Variants in PALM2AKAP2 observed in about 807,000 individuals in gnomAD.
PALM2AKAP2 encodes PALM2-AKAP2 fusion protein.
PALM2AKAP2 carries 37 observed loss-of-function variants against 71.5 expected under a neutral mutation model. That is an observed-to-expected ratio of 0.52 (90% CI 0.40 to 0.68). The LOEUF (loss-of-function observed/expected upper bound fraction) is 0.68. PALM2AKAP2 is among the 30% of genes least tolerant of loss of function. PALM2AKAP2 has a pLI of 0.00. For missense variants in PALM2AKAP2, 1,224 were observed against 1,191.8 expected (o/e 1.03, Z -0.40); for synonymous variants, 468 against 478.8 (o/e 0.98, Z 0.29).
intron 7 of PALM2AKAP2, among the ~76,000 whole-genome samples, chr9:110,036,723 G>T (rs777915586): frequency 6.6e-5 from 10 of 152,112 alleles, no homozygotes; most frequent in Non-Finnish European, 7.3e-5. Context: ...AGGACCTTAG[G>T]ATCTGGCTCA....
chr9:110,002,919 T>C (rs1047640612), intron 6 of PALM2AKAP2, among the ~76,000 whole-genome samples: 1 of 152,228 alleles, frequency 6.6e-6, no homozygotes, highest in African/African-American at 2.4e-5. Flanking sequence ...GATTCTTCTC[T>C]CTTTTCTTCT....
At position 109,640,883 on chromosome 9, in the gene PALM2AKAP2, C is replaced by T. The variant is rs767001702; in HGVS notation, c.5+17C>T. 8.6e-6 allele frequency: 13 copies of T among 1,515,554 alleles called. No individual in the cohort carries two copies. In the Middle Eastern group the frequency reaches 5.4e-4, roughly 63 times the overall value. 93.9% of individuals were successfully genotyped at this position (1,515,554 alleles called of 1,614,324 possible). A position where few individuals can be genotyped will look rare whatever the true frequency, so the allele number is the denominator to read the frequency against. Reference sequence around the variant, plus strand: ...CGCGATGGAGTGAGTATCCCCGAGCCGCGCCGCCAGCTGCTCTCCTCTCGG... The same window carrying T: ...CGCGATGGAGTGAGTATCCCCGAGCTGCGCCGCCAGCTGCTCTCCTCTCGG... On this transcript the variant is annotated intron_variant, in intron 1 of 6. Transcript: ENST00000374531.
chr9:109,857,578 G>A (rs147073481), intron 1 of PALM2AKAP2, among the ~76,000 whole-genome samples: 67 of 152,314 alleles, frequency 4.4e-4, no homozygotes, highest in African/African-American at 1.6e-3. Context: ...AGGTGGCAGT[G>A]TAATAGGTTT....
rs1587993997 is a variant in PALM2AKAP2 at position 109,899,234 on chromosome 9, C to G, written c.257+18553C>G. 2.0e-5 allele frequency among the ~76,000 whole-genome samples: 3 copies of G among 152,212 alleles called. No individual in the cohort carries two copies. In the East Asian group the frequency reaches 5.8e-4, roughly 29 times the overall value. Reference sequence around the variant, plus strand: ...TGATTCCTTTTCATTGATTCTTAATCTCATTGAAAAACATCACCATGCACC... The same window carrying G: ...TGATTCCTTTTCATTGATTCTTAATGTCATTGAAAAACATCACCATGCACC... On this transcript the variant is annotated intron_variant, in intron 3 of 9. Coordinates refer to the PALM2AKAP2 transcript ENST00000302798.
intron 3 of PALM2AKAP2, among the ~76,000 whole-genome samples, chr9:109,919,552 A>G (rs77554441): frequency 0.01 from 1,535 of 152,132 alleles, 20 homozygotes; most frequent in Middle Eastern, 0.02. Flanking sequence ...AGGATTCAGG[A>G]TTAGGGAAGG....
At chr9:110,118,546 C>A (rs1457647823) in intron 1 of PALM2AKAP2, among the ~76,000 whole-genome samples, 2 of 152,188 alleles carry the variant, frequency 1.3e-5, no homozygotes, top group Non-Finnish European at 2.9e-5. Context: ...CTGCTCCCAG[C>A]CTTCTTGACT....
chr9:110,126,421 G>A (rs1019870460), intron 1 of PALM2AKAP2, among the ~76,000 whole-genome samples: 1 of 152,152 alleles, frequency 6.6e-6, no homozygotes, highest in Admixed American at 6.5e-5. Context: ...TAGCAGAATC[G>A]GTTACCCTAG....
chr9:109,891,109 G>A (rs1830078820), intron 3 of PALM2AKAP2, among the ~76,000 whole-genome samples: 1 of 152,204 alleles, frequency 6.6e-6, no homozygotes, highest in South Asian at 2.1e-4. Context: ...ACAGCATGGG[G>A]CTGCCAGCTT....
At chr9:109,658,042 G>A (rs146214509) in intron 1 of PALM2AKAP2, among the ~76,000 whole-genome samples, 70 of 152,082 alleles carry the variant, frequency 4.6e-4, no homozygotes, top group African/African-American at 1.7e-3. Flanking sequence ...TTTGGCTTGA[G>A]CAGTAGGTAA....
intron 1 of PALM2AKAP2, among the ~76,000 whole-genome samples, chr9:109,736,740 A>G (rs1182811003): frequency 6.6e-6 from 1 of 151,910 alleles, no homozygotes; most frequent in Non-Finnish European, 1.5e-5. Context: ...GTGATTGTCA[A>G]CCCTCACCCC....
At chr9:110,070,125 C>A (rs1366343944) in intron 1 of PALM2AKAP2, among the ~76,000 whole-genome samples, 1 of 152,204 alleles carries the variant, frequency 6.6e-6, no homozygotes, top group Non-Finnish European at 1.5e-5. Flanking sequence ...CAACCTAGTA[C>A]AAAACCCATA....
chr9:109,726,217 A>G (rs1028153455), intron 1 of PALM2AKAP2, among the ~76,000 whole-genome samples: 1 of 152,136 alleles, frequency 6.6e-6, no homozygotes, highest in African/African-American at 2.4e-5. Context: ...GGCTCAGTCA[A>G]TCAGCTGCCC....
At chr9:109,879,277 A>C (rs563892408) in intron 2 of PALM2AKAP2, among the ~76,000 whole-genome samples, 1 of 152,336 alleles carries the variant, frequency 6.6e-6, no homozygotes, top group South Asian at 2.1e-4. Context: ...AGGGAGCCAA[A>C]GAGCCAGGTC....
chr9:110,018,334 C>T (rs1833018146), intron 7 of PALM2AKAP2, among the ~76,000 whole-genome samples: 2 of 151,902 alleles, frequency 1.3e-5, no homozygotes, highest in African/African-American at 4.8e-5. Context: ...AAATTTATTT[C>T]TTTATTCATT....
chr9:109,656,970 C>A (rs1564103292), intron 1 of PALM2AKAP2, among the ~76,000 whole-genome samples: 1 of 152,226 alleles, frequency 6.6e-6, no homozygotes, highest in African/African-American at 2.4e-5. Context: ...AGAGGTCCCT[C>A]CCAACTATAT....
intron 1 of PALM2AKAP2, chr9:109,640,933 G>A: frequency 1.4e-6 from 2 of 1,468,096 alleles, no homozygotes; most frequent in Admixed American, 2.4e-5. Flanking sequence ...GACCGCGGCG[G>A]CAGGCAGATC....
chr9:110,143,484 GA>G (rs1327450179), intron 2 of PALM2AKAP2, among the ~76,000 whole-genome samples: 1 of 150,412 alleles, frequency 6.6e-6, no homozygotes, highest in African/African-American at 2.4e-5. Flanking sequence ...AGCCTGATTT[GA>G]AGGGGTAACT....
intron 1 of PALM2AKAP2, among the ~76,000 whole-genome samples, chr9:109,660,034 A>G (rs1005801351): frequency 2.6e-5 from 4 of 151,688 alleles, no homozygotes; most frequent in African/African-American, 7.3e-5. Context: ...TGGTCTCGCC[A>G]TGTTGCCCAG....
intron 3 of PALM2AKAP2, among the ~76,000 whole-genome samples, chr9:109,917,731 C>A (rs1367699124): frequency 6.6e-6 from 1 of 152,122 alleles, no homozygotes. Context: ...TGGGCTCAAG[C>A]AATCCTCCAG....
Sources: gnomAD v4.1 joint callset for allele counts (sites outside exome capture counted in the v4.1 genomes callset) on GRCh38, gnomAD v4.1.1 for gene constraint, MANE v1.5 for transcripts, NCBI Gene and HGNC (gene_info 2026-07-23, HGNC 2026-07-21) for gene names.